Variants in CNTNAP2 observed in about 807,000 individuals in gnomAD.
The protein encoded by CNTNAP2 is contactin associated protein 2.
A neutral mutation model predicts 155.2 loss-of-function variants in CNTNAP2; 98 were observed. The observed-to-expected ratio is 0.63, with a 90% confidence interval of 0.54 to 0.75. CNTNAP2 has a LOEUF of 0.75. Among genes scored for constraint, CNTNAP2 ranks in the 30% least tolerant of loss-of-function variants. The pLI, the probability that CNTNAP2 is intolerant of heterozygous loss-of-function variation, is 0.00. For missense variants in CNTNAP2, 1,727 were observed against 1,688.1 expected, an observed-to-expected ratio of 1.02 and a Z score of -0.40; for synonymous variants, 651 against 631.2, an observed-to-expected ratio of 1.03 and a Z score of -0.47.
intron 1 of CNTNAP2, among the ~76,000 whole-genome samples, chr7:146,696,616 T>C (rs1021916481): frequency 4.6e-5 from 7 of 152,156 alleles, no homozygotes; most frequent in African/African-American, 1.7e-4. Context: ...GCAGAAACTT[T>C]TATTTATTTT....
chr7:147,119,234 A>G (rs1010078575), intron 5 of CNTNAP2, among the ~76,000 whole-genome samples: 41 of 152,166 alleles, frequency 2.7e-4, no homozygotes, highest in Middle Eastern at 3.2e-3. Context: ...ATGTAGAGTA[A>G]CCTTTTAAAA....
Position 146,760,767 on chromosome 7 carries a change from G to A in CNTNAP2, c.98-13504G>A, listed in dbSNP as rs148686329. On this transcript the variant is annotated intron_variant, in intron 1 of 23. Coordinates refer to ENST00000361727, the MANE Select transcript of CNTNAP2 (RefSeq NM_014141.6). ...GTGTATAATAGTGTCCAAGTTTCTA[G>A]AACATTCGTCCAATAATGGCTGTAC... Among the ~76,000 whole-genome samples, 15 of 151,758 alleles carry A rather than the reference G, an allele frequency of 9.9e-5. 1 individual carries two copies. In the East Asian group the frequency reaches 2.9e-3, roughly 29 times the overall value.
intron 15 of CNTNAP2, among the ~76,000 whole-genome samples, chr7:148,117,791 TATAAA>T (rs1156571997): frequency 3.3e-5 from 5 of 151,246 alleles, no homozygotes; most frequent in Non-Finnish European, 5.9e-5. Flanking sequence ...GTTATATAAT[TATAAA>T]ATATTGTTTA....
At chr7:147,059,611 C>G (rs1186448487) in intron 4 of CNTNAP2, among the ~76,000 whole-genome samples, 2 of 152,100 alleles carry the variant, frequency 1.3e-5, no homozygotes, top group Non-Finnish European at 2.9e-5. Context: ...TTAATTCTCA[C>G]TAGCTTGATT....
chr7:147,243,214 T>A (rs972104030), intron 8 of CNTNAP2, among the ~76,000 whole-genome samples: 16 of 151,982 alleles, frequency 1.1e-4, no homozygotes, highest in Admixed American at 3.3e-4. Flanking sequence ...GCCAGGCTGG[T>A]CTCGATCTCC....
chr7:148,122,332 T>C (rs572630026), intron 16 of CNTNAP2, among the ~76,000 whole-genome samples: 6 of 152,232 alleles, frequency 3.9e-5, no homozygotes, highest in African/African-American at 1.4e-4. Context: ...CTGAGGGGAA[T>C]TTTTAAACCT....
At chr7:146,999,074 C>T (rs1223373480) in intron 3 of CNTNAP2, among the ~76,000 whole-genome samples, 1 of 151,662 alleles carries the variant, frequency 6.6e-6, no homozygotes, top group Non-Finnish European at 1.5e-5. Flanking sequence ...TTCTTTCTTA[C>T]TGCTTTCCTT....
At chr7:147,981,816 TG>T (rs1801535582) in intron 15 of CNTNAP2, among the ~76,000 whole-genome samples, 1 of 139,652 alleles carries the variant, frequency 7.2e-6, no homozygotes, top group Non-Finnish European at 1.6e-5. Context: ...TGTGTGTGTG[TG>T]GTTTTTTTTT....
chr7:147,598,937 G>C (rs1431579299), intron 12 of CNTNAP2, among the ~76,000 whole-genome samples: 1 of 152,084 alleles, frequency 6.6e-6, no homozygotes, highest in African/African-American at 2.4e-5. Flanking sequence ...ATGATTATAA[G>C]TTTCCTGAGG....
chr7:148,347,833 C>T (rs1459686209), intron 21 of CNTNAP2, among the ~76,000 whole-genome samples: 1 of 152,186 alleles, frequency 6.6e-6, no homozygotes, highest in Non-Finnish European at 1.5e-5. Context: ...CCAGAATCCC[C>T]CTGGAACAAG....
At chr7:147,216,013 G>A (rs1461062097) in intron 8 of CNTNAP2, among the ~76,000 whole-genome samples, 2 of 151,810 alleles carry the variant, frequency 1.3e-5, no homozygotes, top group African/African-American at 2.4e-5. Flanking sequence ...AAGGGTTTTG[G>A]TCCATTTTAG....
chr7:147,838,135 G>T (rs1024167741), intron 13 of CNTNAP2, among the ~76,000 whole-genome samples: 5 of 152,310 alleles, frequency 3.3e-5, no homozygotes, highest in Middle Eastern at 3.4e-3. Context: ...TGTCCAACCT[G>T]TACCTTGACC....
At chr7:146,923,546 AATGAAAACTGAGTTTG>A (rs1796546017) in intron 3 of CNTNAP2, among the ~76,000 whole-genome samples, 1 of 152,166 alleles carries the variant, frequency 6.6e-6, no homozygotes, top group African/African-American at 2.4e-5. Flanking sequence ...CCTCCTTTCT[AATGAAAACTGAGTTTG>A]AGGAAAGAAA....
chr7:147,114,313 A>G (rs1337575004), intron 5 of CNTNAP2, among the ~76,000 whole-genome samples: 6 of 152,278 alleles, frequency 3.9e-5, no homozygotes, highest in Middle Eastern at 3.4e-3. Flanking sequence ...AATTCTGTAT[A>G]TATCTATCAG....
intron 11 of CNTNAP2, among the ~76,000 whole-genome samples, chr7:147,538,762 TATC>T (rs1384706547): frequency 6.6e-6 from 1 of 152,170 alleles, no homozygotes; most frequent in East Asian, 1.9e-4. Flanking sequence ...AAAGGCCTGA[TATC>T]ATGTTTATGC....
intron 20 of CNTNAP2, among the ~76,000 whole-genome samples, chr7:148,249,136 G>A (rs557538900): frequency 6.6e-5 from 10 of 152,290 alleles, no homozygotes; most frequent in South Asian, 4.2e-4. Flanking sequence ...TGCATGTACT[G>A]TGAATATTTT....
At chr7:146,465,082 A>G (rs998445297) in intron 1 of CNTNAP2, among the ~76,000 whole-genome samples, 19 of 151,902 alleles carry the variant, frequency 1.3e-4, no homozygotes, top group African/African-American at 4.6e-4. Context: ...CCTGCCCATC[A>G]CCGTATCCCC....
chr7:148,016,948 CA>C (rs546246844), intron 15 of CNTNAP2, among the ~76,000 whole-genome samples: 31 of 151,844 alleles, frequency 2.0e-4, no homozygotes, highest in Non-Finnish European at 3.4e-4. Context: ...CTAAAAATCT[CA>C]AAAAAAGCAA....
intron 1 of CNTNAP2, among the ~76,000 whole-genome samples, chr7:146,183,601 C>T (rs920967932): frequency 1.9e-4 from 24 of 129,726 alleles, no homozygotes; most frequent in African/African-American, 8.3e-4. Context: ...AATTTATCAC[C>T]ACACAAATAA....
Sources: allele counts gnomAD v4.1 joint callset (sites outside exome capture counted in the v4.1 genomes callset), GRCh38; gene constraint gnomAD v4.1.1; transcripts MANE v1.5; gene names NCBI Gene and HGNC (gene_info 2026-07-23, HGNC 2026-07-21).